PTER: variants seen among roughly 807,000 people sequenced by gnomAD.
PTER encodes phosphotriesterase related, also known as N-acetyltaurine hydrolase.
PTER carries 38 observed loss-of-function variants against 29.6 expected under a neutral mutation model. The observed-to-expected ratio is 1.28, with a 90% CI of 0.99 to 1.68. The LOEUF (loss-of-function observed/expected upper bound fraction) is 1.68. Ranked by LOEUF, PTER falls within the 40% of genes most tolerant of loss-of-function variation. PTER has a pLI of 0.00. For synonymous variants in PTER, 172 were observed against 154.5 expected, an observed-to-expected ratio of 1.11 and a Z score of -0.84; for missense variants, 482 against 427.8, an observed-to-expected ratio of 1.13 and a Z score of -1.12.
chr10:16,475,589 C>A (rs1205499851), intron 1 of PTER, among the ~76,000 whole-genome samples: 1 of 152,162 alleles, frequency 6.6e-6, no homozygotes, highest in Non-Finnish European at 1.5e-5. Flanking sequence ...ATTCACCGAC[C>A]AGCTCTGGTA....
intron 1 of PTER, among the ~76,000 whole-genome samples, chr10:16,449,398 C>G (rs1227521775): frequency 6.7e-6 from 1 of 148,456 alleles, no homozygotes; most frequent in Admixed American, 6.7e-5. Flanking sequence ...CTTCCAGCTA[C>G]TCTTGGATAA....
intron 4 of PTER, among the ~76,000 whole-genome samples, chr10:16,510,457 G>A (rs1394467263): frequency 2.0e-5 from 3 of 152,128 alleles, no homozygotes; most frequent in Admixed American, 1.3e-4. Context: ...ACTTCAAAGG[G>A]GCAAATGGTT....
chr10:16,496,227 C>G (rs947187328), intron 3 of PTER, among the ~76,000 whole-genome samples: 3 of 152,218 alleles, frequency 2.0e-5, no homozygotes, highest in African/African-American at 7.2e-5. Flanking sequence ...CAGATCTAGC[C>G]TCCACAATCC....
chr10:16,471,831 G>T (rs1286681773), intron 1 of PTER, among the ~76,000 whole-genome samples: 3 of 152,152 alleles, frequency 2.0e-5, no homozygotes, highest in Admixed American at 2.0e-4. Context: ...TGGACTCTTT[G>T]AGTATAAATC....
downstream of PTER, among the ~76,000 whole-genome samples, chr10:16,517,261 G>A (rs1836965884): frequency 2.6e-5 from 4 of 152,050 alleles, no homozygotes; most frequent in South Asian, 4.1e-4. Context: ...TGTTTAGTCC[G>A]TATTTCTTTA....
In PTER at chr10:16,486,502, G is replaced by C. The variant is rs763065927; in HGVS notation, c.583G>C (p.Gly195Arg). 8 of 1,613,984 alleles carry C rather than the reference G, an allele frequency of 5.0e-6. No homozygotes were observed. The South Asian group carries it at 8.8e-5, about 18-fold the overall frequency. Residue 195 changes from glycine to arginine, a missense_variant, in exon 3 of 5, where the codon GGT becomes CGT. By Grantham distance (125) the Gly-to-Arg change is moderately radical. Coordinates refer to ENST00000535784, the MANE Select transcript of PTER (RefSeq NM_001261836.2). ...CACAGCTCATGCCCAGGCTCAGCTT[G>C]GTTGTCCTGTTATTATCCATCCTGG... ...QATAHAQAQL[G>R]CPVIIHPGRS...
At chr10:16,486,886 T>C (rs1341492653) in intron 3 of PTER, 1 of 359,266 alleles carries the variant, frequency 2.8e-6, no homozygotes, top group Non-Finnish European at 5.1e-6. Flanking sequence ...ACTCAATCCT[T>C]TATAACTCAT....
intron 1 of PTER, among the ~76,000 whole-genome samples, chr10:16,438,164 C>A (rs1356593572): frequency 7.9e-6 from 1 of 126,882 alleles, no homozygotes; most frequent in African/African-American, 3.1e-5. Flanking sequence ...CTCCACCACA[C>A]ACAGCTAATT....
intron 1 of PTER, among the ~76,000 whole-genome samples, chr10:16,478,131 A>G (rs146744321): frequency 2.6e-5 from 4 of 152,282 alleles, no homozygotes; most frequent in African/African-American, 9.6e-5. Context: ...TGAGTGTGGA[A>G]CCTTCTGAGA....
downstream of PTER, among the ~76,000 whole-genome samples, chr10:16,518,383 T>C (rs75904553): frequency 0.067 from 10,252 of 152,308 alleles, 382 homozygotes; most frequent in Non-Finnish European, 0.085. Flanking sequence ...TTTGCAGAAG[T>C]AGCAGCTTAA....
intron 3 of PTER, among the ~76,000 whole-genome samples, chr10:16,491,330 A>G (rs1216257600): frequency 6.6e-6 from 1 of 152,200 alleles, no homozygotes; most frequent in Non-Finnish European, 1.5e-5. Context: ...AACAGAAAAA[A>G]ATAATCAGGG....
intron 1 of PTER, among the ~76,000 whole-genome samples, chr10:16,444,279 C>A (rs983295769): frequency 3.3e-5 from 5 of 152,110 alleles, no homozygotes; most frequent in African/African-American, 9.7e-5. Context: ...AGGCATGAAC[C>A]ACCGCACCCG....
chr10:16,483,458 G>A (rs1375050034), intron 1 of PTER, among the ~76,000 whole-genome samples: 2 of 152,164 alleles, frequency 1.3e-5, no homozygotes, highest in Non-Finnish European at 2.9e-5. Context: ...GTGTGAGTCA[G>A]AGATCTTGTC....
rs765520858 is a variant in PTER, at chr10:16,505,042, C to A, written c.721C>A (p.Leu241Ile). 6.2e-7 allele frequency: 1 copy of A among 1,613,962 alleles called. No homozygotes were observed. Among genetic ancestry groups the A allele is most frequent in the Non-Finnish European group, 8.5e-7 (1 of 1,179,916 alleles). The change falls in exon 4 of 5, where the codon CTC (leucine) becomes ATC (isoleucine). Residue 241 changes from leucine (L) to isoleucine (I), a missense_variant. Leu to Ile is a conservative substitution (Grantham distance 5). Coordinates refer to ENST00000535784, the MANE Select transcript of PTER (RefSeq NM_001261836.2). ...LDRTILDKKE[L>I]LEFAQLGCYL... is the part of the protein sequence containing the mutation. ...TAGGACTATTCTTGATAAGAAAGAG[C>A]TCTTGGAGTTTGCTCAACTTGGCTG...
At chr10:16,461,586 T>G (rs1286828737) in intron 1 of PTER, among the ~76,000 whole-genome samples, 1 of 152,170 alleles carries the variant, frequency 6.6e-6, no homozygotes, top group African/African-American at 2.4e-5. Context: ...TTTTAGTACA[T>G]CAGATACTAG....
At chr10:16,459,094 C>T (rs916408724) in intron 1 of PTER, among the ~76,000 whole-genome samples, 1 of 152,150 alleles carries the variant, frequency 6.6e-6, no homozygotes, top group African/African-American at 2.4e-5. Flanking sequence ...TTCTTTCAGA[C>T]TATTCTCCAT....
At chr10:16,496,592 T>C (rs1324984621) in intron 3 of PTER, among the ~76,000 whole-genome samples, 1 of 152,222 alleles carries the variant, frequency 6.6e-6, no homozygotes, top group Non-Finnish European at 1.5e-5. Context: ...AGCCAACCAC[T>C]GTTTGATATC....
chr10:16,509,429 T>A (rs1456716310), intron 4 of PTER, among the ~76,000 whole-genome samples: 1 of 152,208 alleles, frequency 6.6e-6, no homozygotes, highest in Non-Finnish European at 1.5e-5. Context: ...ACAAAGGACA[T>A]CTTAAAGGAA....
chr10:16,490,015 G>A (rs531798477), intron 3 of PTER, among the ~76,000 whole-genome samples: 12 of 152,262 alleles, frequency 7.9e-5, no homozygotes, highest in Admixed American at 5.2e-4. Flanking sequence ...GATGGGTTAT[G>A]TTCCAATAAA....
Sources: gnomAD v4.1 joint callset for allele counts (sites outside exome capture counted in the v4.1 genomes callset) on GRCh38, gnomAD v4.1.1 for gene constraint, MANE v1.5 for transcripts, NCBI Gene and HGNC (gene_info 2026-07-23, HGNC 2026-07-21) for gene names.